The following WWOX variants were observed in gnomAD, a reference collection of about 807,000 sequenced individuals.
The protein encoded by WWOX is WW domain containing oxidoreductase.
Under a neutral mutation model 46.2 loss-of-function variants are expected in WWOX, and 69 were observed. The ratio of observed to expected loss-of-function variants is 1.49; its 90% CI spans 1.23 to 1.82. The LOEUF (loss-of-function observed/expected upper bound fraction) is 1.82, where lower values mean the gene tolerates loss of function less well. Ranked by LOEUF, WWOX falls within the 40% of genes most tolerant of loss-of-function variation. WWOX has a pLI of 0.00. For missense variants in WWOX, 919 were observed against 542.6 expected, an observed-to-expected ratio of 1.69 and a Z score of -6.89; for synonymous variants, 359 against 202.6, an observed-to-expected ratio of 1.77 and a Z score of -6.56.
intron 8 of WWOX, among the ~76,000 whole-genome samples, chr16:78,473,641 C>T (rs1272129654): frequency 1.3e-5 from 2 of 152,134 alleles, no homozygotes; most frequent in Non-Finnish European, 2.9e-5. Context: ...AGAATGTTGC[C>T]ACCAGTGCTG....
chr16:78,801,055 C>G (rs986117872), intron 8 of WWOX, among the ~76,000 whole-genome samples: 3 of 151,786 alleles, frequency 2.0e-5, no homozygotes, highest in African/African-American at 7.3e-5. Flanking sequence ...CTCTCTCTAC[C>G]TCTTTTTTTT....
chr16:78,127,622 A>G (rs1016940831), intron 4 of WWOX, among the ~76,000 whole-genome samples: 2 of 151,686 alleles, frequency 1.3e-5, no homozygotes, highest in African/African-American at 4.8e-5. Flanking sequence ...ATTATTCTTT[A>G]AAACCGTTAT....
intron 8 of WWOX, among the ~76,000 whole-genome samples, chr16:79,112,498 C>G (rs59978333): frequency 0.012 from 1,817 of 152,256 alleles, 24 homozygotes; most frequent in African/African-American, 0.039. Context: ...CTCCTTCCCC[C>G]ACCCTGCGAG....
intron 8 of WWOX, among the ~76,000 whole-genome samples, chr16:78,456,769 A>G (rs1010605620): frequency 6.6e-6 from 1 of 152,280 alleles, no homozygotes; most frequent in African/African-American, 2.4e-5. Flanking sequence ...AAAAATTATC[A>G]TGCCCATTCA....
At chr16:78,711,754 A>G (rs1387440155) in intron 8 of WWOX, among the ~76,000 whole-genome samples, 1 of 152,168 alleles carries the variant, frequency 6.6e-6, no homozygotes, top group Non-Finnish European at 1.5e-5. Context: ...TACTATGAGT[A>G]TTGACCAGTG....
chr16:78,342,204 G>T (rs72794024), intron 5 of WWOX, among the ~76,000 whole-genome samples: 1 of 120,952 alleles, frequency 8.3e-6, no homozygotes, highest in South Asian at 2.5e-4. Flanking sequence ...GACCTTTCTG[G>T]GGTCTTTTAG....
At chr16:78,319,649 A>G (rs906592636) in intron 5 of WWOX, among the ~76,000 whole-genome samples, 1 of 152,138 alleles carries the variant, frequency 6.6e-6, no homozygotes, top group African/African-American at 2.4e-5. Context: ...TTTCTTATTA[A>G]TGTGTCACAT....
chr16:78,302,465 A>T (rs985140255), intron 5 of WWOX, among the ~76,000 whole-genome samples: 9 of 152,186 alleles, frequency 5.9e-5, no homozygotes, highest in African/African-American at 1.9e-4. Flanking sequence ...AACTCAGTGG[A>T]CCATTCCACT....
intron 8 of WWOX, among the ~76,000 whole-genome samples, chr16:78,711,746 C>T (rs982948334): frequency 4.6e-5 from 7 of 152,172 alleles, no homozygotes; most frequent in African/African-American, 1.7e-4. Context: ...TAGTGCTTTA[C>T]TATGAGTATT....
At chr16:78,846,333 C>A (rs188080847) in intron 8 of WWOX, among the ~76,000 whole-genome samples, 1 of 152,136 alleles carries the variant, frequency 6.6e-6, no homozygotes, top group African/African-American at 2.4e-5. Flanking sequence ...TTGGATTTGA[C>A]GGTGTGTCCT....
At chr16:79,142,843 G>A (rs896473222) in intron 8 of WWOX, among the ~76,000 whole-genome samples, 1 of 151,898 alleles carries the variant, frequency 6.6e-6, no homozygotes, top group Non-Finnish European at 1.5e-5. Context: ...GGACTACAGG[G>A]ACACACCATC....
intron 8 of WWOX, among the ~76,000 whole-genome samples, chr16:78,434,464 A>G (rs2083293141): frequency 6.6e-6 from 1 of 152,200 alleles, no homozygotes. Context: ...AAAAGAAGGA[A>G]TATGGATCTG....
At chr16:78,884,068 C>T (rs544652381) in intron 8 of WWOX, among the ~76,000 whole-genome samples, 22 of 151,950 alleles carry the variant, frequency 1.4e-4, no homozygotes, top group South Asian at 6.2e-4. Flanking sequence ...TGCTTGAGCC[C>T]GGGAGTTCAA....
intron 8 of WWOX, among the ~76,000 whole-genome samples, chr16:78,542,810 C>A (rs1297048819): frequency 6.6e-6 from 1 of 152,098 alleles, no homozygotes; most frequent in Non-Finnish European, 1.5e-5. Context: ...TCCTTTCTTT[C>A]TTTCTTAATG....
chr16:79,032,538 T>A (rs974822125), intron 8 of WWOX, among the ~76,000 whole-genome samples: 1 of 148,406 alleles, frequency 6.7e-6, no homozygotes, highest in Non-Finnish European at 1.5e-5. Flanking sequence ...TAGTCTAGTA[T>A]ATATTATACA....
At chr16:78,432,422 T>A in intron 7 of WWOX, 66 bp from the exon 8 acceptor site, 1 of 1,595,254 alleles carries the variant, frequency 6.3e-7, no homozygotes. Flanking sequence ...AGATTTCCAA[T>A]AAAAATAAAA....
chr16:78,942,073 T>C (rs550061100), intron 8 of WWOX, among the ~76,000 whole-genome samples: 4 of 152,290 alleles, frequency 2.6e-5, no homozygotes, highest in East Asian at 1.9e-4. Flanking sequence ...AGTTACTCTT[T>C]AGTATGCCCA....
intron 8 of WWOX, among the ~76,000 whole-genome samples, chr16:79,119,689 T>G (rs945726917): frequency 2.0e-5 from 3 of 152,200 alleles, no homozygotes; most frequent in South Asian, 2.1e-4. Flanking sequence ...GAGGACAGTA[T>G]GCTTTTCACC....
At chr16:78,876,069 C>A (rs1339347927) in intron 8 of WWOX, among the ~76,000 whole-genome samples, 1 of 152,158 alleles carries the variant, frequency 6.6e-6, no homozygotes. Context: ...GGACAGCTGC[C>A]AACCTGCTCT....
Sources: gnomAD v4.1 joint callset for allele counts (sites outside exome capture counted in the v4.1 genomes callset) on GRCh38, gnomAD v4.1.1 for gene constraint, MANE v1.5 for transcripts, NCBI Gene and HGNC (gene_info 2026-07-23, HGNC 2026-07-21) for gene names.